Variants in TNS3 observed in about 807,000 individuals in gnomAD.
The protein encoded by TNS3 is tensin-3.
A neutral mutation model predicts 140.9 loss-of-function variants in TNS3; 45 were observed. That is an observed-to-expected ratio of 0.32 (90% CI 0.25 to 0.41). The LOEUF (loss-of-function observed/expected upper bound fraction) is 0.41, where lower values mean the gene tolerates loss of function less well. Ranked by LOEUF, TNS3 falls within the 10% of genes least tolerant of loss-of-function variation. TNS3 has a pLI of 1.00. For synonymous variants in TNS3, 815 were observed against 788.4 expected (o/e 1.03, Z -0.56); for missense variants, 1,716 against 1,906.7 (o/e 0.90, Z 1.86).
intron 16 of TNS3, among the ~76,000 whole-genome samples, chr7:47,369,954 T>A (rs545127175): frequency 6.6e-6 from 1 of 152,240 alleles, no homozygotes; most frequent in African/African-American, 2.4e-5. Flanking sequence ...ATTGTGAACA[T>A]TGAGCTCGGC....
intron 7 of TNS3, among the ~76,000 whole-genome samples, chr7:47,436,138 A>G (rs1271800534): frequency 6.6e-6 from 1 of 152,218 alleles, no homozygotes; most frequent in African/African-American, 2.4e-5. Flanking sequence ...GCCAGGAAGT[A>G]GGAAAAGTCA....
chr7:47,422,927 G>A (rs973610423), intron 10 of TNS3, among the ~76,000 whole-genome samples: 1 of 151,760 alleles, frequency 6.6e-6, no homozygotes, highest in East Asian at 1.9e-4. Context: ...TTTAGAAAAT[G>A]CTAGGTTTTC....
At chr7:47,555,309 G>A (rs1198798944) in intron 1 of TNS3, among the ~76,000 whole-genome samples, 1 of 151,382 alleles carries the variant, frequency 6.6e-6, no homozygotes, top group Non-Finnish European at 1.5e-5. Flanking sequence ...GCTGAGGCAG[G>A]AGAATCGCTT....
chr7:47,544,461 G>A (rs1350618020), intron 1 of TNS3, among the ~76,000 whole-genome samples: 1 of 152,062 alleles, frequency 6.6e-6, no homozygotes, highest in Non-Finnish European at 1.5e-5. Context: ...GGTCATGAGG[G>A]GAGACTCTGC....
At chr7:47,281,830 G>A (rs979928159) in intron 28 of TNS3, among the ~76,000 whole-genome samples, 1 of 152,176 alleles carries the variant, frequency 6.6e-6, no homozygotes, top group African/African-American at 2.4e-5. Context: ...TCAACATTGT[G>A]AGGGTCCTTA....
chr7:47,275,228 G>T lies in TNS3; in HGVS notation c.*2848C>A, dbSNP rs948577850. On this transcript the variant is annotated 3_prime_UTR_variant, in exon 31 of 31. Coordinates refer to ENST00000311160, the MANE Select transcript of TNS3 (RefSeq NM_022748.12). Reference sequence around the variant, plus strand: ...GAGCAGAGAAAATGACTATACAAAAGATTTATAGAACATTCATTTACATAC... The same window carrying T: ...GAGCAGAGAAAATGACTATACAAAATATTTATAGAACATTCATTTACATAC... 3 of 152,586 alleles carry T rather than the reference G, an allele frequency of 2.0e-5. No homozygotes were observed. Among genetic ancestry groups the T allele is most frequent in the African/African-American group, 7.2e-5 (3 of 41,418 alleles). The allele number at this position is 152,586 out of a possible 1,614,324, so 9.5% of individuals were successfully genotyped here. A position where few individuals can be genotyped will look rare whatever the true frequency, so the allele number is the denominator to read the frequency against.
At chr7:47,546,294 C>A (rs1032001010) in intron 1 of TNS3, among the ~76,000 whole-genome samples, 25 of 152,194 alleles carry the variant, frequency 1.6e-4, no homozygotes, top group African/African-American at 5.3e-4. Flanking sequence ...TCTCACGTGG[C>A]GTCCACGTCC....
At chr7:47,404,757 G>A (rs1177583456) in intron 13 of TNS3, among the ~76,000 whole-genome samples, 1 of 152,080 alleles carries the variant, frequency 6.6e-6, no homozygotes, top group Non-Finnish European at 1.5e-5. Context: ...GGGGGCAGGC[G>A]CCTGTAGTCC....
chr7:47,322,478 C>T (rs571979984), intron 20 of TNS3, among the ~76,000 whole-genome samples: 1 of 151,984 alleles, frequency 6.6e-6, no homozygotes, highest in East Asian at 1.9e-4. Flanking sequence ...GCCAAGATCG[C>T]GCCACTGCAC....
At chr7:47,323,672 T>C (rs940359754) in intron 20 of TNS3, among the ~76,000 whole-genome samples, 3 of 152,220 alleles carry the variant, frequency 2.0e-5, no homozygotes. Flanking sequence ...CTTCCAACAA[T>C]TGTACTTTAA....
intron 4 of TNS3, among the ~76,000 whole-genome samples, chr7:47,477,686 T>G (rs1447647146): frequency 6.6e-6 from 1 of 152,094 alleles, no homozygotes; most frequent in Admixed American, 6.5e-5. Flanking sequence ...CCAGGTGACA[T>G]CGGGGATGTC....
chr7:47,548,585 G>C (rs763615217), intron 1 of TNS3, among the ~76,000 whole-genome samples: 2 of 152,052 alleles, frequency 1.3e-5, no homozygotes, highest in South Asian at 2.1e-4. Flanking sequence ...CTGTGACCCC[G>C]TGCCCTACCT....
chr7:47,562,325 T>G (rs1800333012), intron 1 of TNS3, among the ~76,000 whole-genome samples: 1 of 152,094 alleles, frequency 6.6e-6, no homozygotes, highest in Non-Finnish European at 1.5e-5. Context: ...GGAATTAGAT[T>G]TATTTGGTCA....
chr7:47,457,126 G>GGGAGA (rs1275195397), intron 4 of TNS3, among the ~76,000 whole-genome samples: 1 of 45,678 alleles, frequency 2.2e-5, no homozygotes, highest in Non-Finnish European at 5.0e-5. Context: ...GGGAGGGGAG[G>GGGAGA]GGAGGGGAGG....
At chr7:47,298,987 A>T (rs985878530) in intron 23 of TNS3, among the ~76,000 whole-genome samples, 1 of 152,182 alleles carries the variant, frequency 6.6e-6, no homozygotes, top group Non-Finnish European at 1.5e-5. Flanking sequence ...CCAGGCCTGC[A>T]GCCGCCCATG....
chr7:47,285,148 A>G (rs1244996670), intron 27 of TNS3, among the ~76,000 whole-genome samples: 1 of 152,222 alleles, frequency 6.6e-6, no homozygotes, highest in Non-Finnish European at 1.5e-5. Flanking sequence ...CAGATGGGCT[A>G]GGATGTCCCT....
At position 47,280,324 on chromosome 7, in the gene TNS3, G is replaced by C. The variant is rs1785073616; in HGVS notation, c.4128C>G (p.Asn1376Lys). 6.2e-7 allele frequency: 1 copy of C among 1,614,178 alleles called. No homozygotes were observed. Residue 1376 changes from asparagine (N) to lysine (K), a missense_variant, in exon 29 of 31, where the codon AAC (asparagine) becomes AAG (lysine). Coordinates refer to ENST00000311160, the MANE Select transcript of TNS3 (RefSeq NM_022748.12). ...KLFFRRHYPV[N>K]SVIFCALDPQ... ...GGTCCAAGGCACAGAAAATCACACT[G>C]TTCACGGGGTAATGCCTCCGGAAGA... is the stretch of plus-strand genomic sequence containing the variant.
chr7:47,322,989 G>T (rs1051449222), intron 20 of TNS3, among the ~76,000 whole-genome samples: 4 of 152,124 alleles, frequency 2.6e-5, no homozygotes, highest in Admixed American at 6.5e-5. Flanking sequence ...CAGCAGGGAG[G>T]GGTCCCCTGC....
intron 17 of TNS3, among the ~76,000 whole-genome samples, chr7:47,351,375 T>C (rs1219805180): frequency 6.6e-6 from 1 of 152,106 alleles, no homozygotes; most frequent in Non-Finnish European, 1.5e-5. Flanking sequence ...GCAGGGCTTA[T>C]GCTTCCCAGA....
Sources: allele counts gnomAD v4.1 joint callset (sites outside exome capture counted in the v4.1 genomes callset), GRCh38; gene constraint gnomAD v4.1.1; transcripts MANE v1.5; gene names NCBI Gene and HGNC (gene_info 2026-07-23, HGNC 2026-07-21).